The following CD163L1 variants were observed in gnomAD, a reference collection of about 807,000 sequenced individuals.
The protein encoded by CD163L1 is scavenger receptor cysteine-rich type 1 protein M160.
A neutral mutation model predicts 165.4 loss-of-function variants in CD163L1; 124 were observed. The observed-to-expected ratio is 0.75, with a 90% CI of 0.65 to 0.87. The LOEUF (loss-of-function observed/expected upper bound fraction) is 0.87, where lower values mean the gene tolerates loss of function less well. CD163L1 is among the 40% of genes least tolerant of loss of function. The pLI is 0.00. For synonymous variants in CD163L1, 585 were observed against 662.2 expected (o/e 0.88, Z 1.79); for missense variants, 1,525 against 1,799.9 (o/e 0.85, Z 2.76).
intron 4 of CD163L1, among the ~76,000 whole-genome samples, chr12:7,429,418 T>C (rs778363073): frequency 6.6e-6 from 1 of 152,240 alleles, no homozygotes; most frequent in East Asian, 1.9e-4. Flanking sequence ...ACTACTGATA[T>C]GCTGATACTA....
At chr12:7,326,161 C>A in the CD163L1 span, among the ~76,000 whole-genome samples, 1 of 152,160 alleles carries the variant, frequency 6.6e-6, no homozygotes, top group Non-Finnish European at 1.5e-5. Flanking sequence ...GCAAAAAAGA[C>A]CTCACATAGA....
chr12:7,420,986 T>TAA (rs1384581555), intron 4 of CD163L1, among the ~76,000 whole-genome samples: 1 of 138,410 alleles, frequency 7.2e-6, no homozygotes. Flanking sequence ...GAAATTGTGG[T>TAA]ATATATATAC....
Position 7,441,248 on chromosome 12 carries a change from T to C in CD163L1, c.32-2A>G. On this transcript the variant is annotated splice_acceptor_variant, in intron 1 of 19. Transcript: ENST00000313599. LOFTEE classifies it high-confidence loss of function. ...GATGACAGCAGCATCTTCCAAAATCTGGAGAAACAAAATATAGCAGGGTAG... is the reference window on the plus strand; with the variant it reads ...GATGACAGCAGCATCTTCCAAAATCCGGAGAAACAAAATATAGCAGGGTAG... 1 of 1,611,396 alleles carries C rather than the reference T, an allele frequency of 6.2e-7. No homozygotes were observed. The highest frequency in any genetic ancestry group is 8.5e-7 in the Non-Finnish European group (1 of 1,177,712).
At chr12:7,411,394 G>C (rs1318914098) in intron 4 of CD163L1, among the ~76,000 whole-genome samples, 3 of 152,176 alleles carry the variant, frequency 2.0e-5, no homozygotes, top group African/African-American at 7.2e-5. Flanking sequence ...GTTGAAATGT[G>C]ATTCCCCAGT....
At chr12:7,416,526 T>C (rs1948245106) in intron 4 of CD163L1, among the ~76,000 whole-genome samples, 1 of 152,222 alleles carries the variant, frequency 6.6e-6, no homozygotes. Context: ...TGCCTAGGTT[T>C]TCTTCTAGGG....
intron 9 of CD163L1, among the ~76,000 whole-genome samples, chr12:7,376,398 T>C (rs1947273224): frequency 6.6e-6 from 1 of 152,248 alleles, no homozygotes; most frequent in Non-Finnish European, 1.5e-5. Flanking sequence ...CAGCAATCCA[T>C]CTAAATGAGT....
rs145993093 is a variant in CD163L1 at position 7,400,359 on chromosome 12, C to T, written c.1409-1775G>A. On this transcript the variant is annotated intron_variant, in intron 6 of 19. Coordinates refer to ENST00000313599, the MANE Select transcript of CD163L1 (RefSeq NM_174941.6). This position sits in a 1 kb window ranked among gnomAD's most constrained non-coding sequence, Gnocchi z 4.1. ...ATAATATGTATCATTTCCAGATATA[C>T]TAAATAAAAATTCATAGAAACAAAG... Among the ~76,000 whole-genome samples the T allele has an allele frequency of 6.6e-6, 1 of 151,984 alleles. No homozygotes were observed. The highest frequency in any genetic ancestry group is 1.5e-5 in the Non-Finnish European group (1 of 67,998).
intron 18 of CD163L1, among the ~76,000 whole-genome samples, chr12:7,363,504 A>G (rs1225006755): frequency 6.6e-6 from 1 of 152,058 alleles, no homozygotes; most frequent in Non-Finnish European, 1.5e-5. Flanking sequence ...GATTTTTTGG[A>G]AAGATAAACC....
At chr12:7,392,337 C>T (rs1000673304) in intron 8 of CD163L1, among the ~76,000 whole-genome samples, 8 of 151,904 alleles carry the variant, frequency 5.3e-5, no homozygotes, top group African/African-American at 1.5e-4. Context: ...GGATAAATAA[C>T]GAAATGAAGG....
intron 8 of CD163L1, among the ~76,000 whole-genome samples, chr12:7,379,731 G>A (rs1261053428): frequency 6.6e-6 from 1 of 152,158 alleles, no homozygotes; most frequent in African/African-American, 2.4e-5. Context: ...ACTGCATAGG[G>A]CTGTGATATT....
chr12:7,346,922 C>T (rs1462426206), exon 5 of CD163L1: 1 of 152,160 alleles, frequency 6.6e-6, no homozygotes, highest in Non-Finnish European at 1.5e-5. Context: ...CCCCGCAAAC[C>T]TAGTCATTTA....
Position 7,369,689 on chromosome 12 carries a change from GT to G in CD163L1, c.3731-25del, listed in dbSNP as rs750436533. The G allele has an allele frequency of 6.3e-7, 1 of 1,594,822 alleles. No homozygotes were observed. The highest frequency in any genetic ancestry group is 1.3e-5 in the African/African-American group (1 of 74,542). On this transcript the variant is annotated intron_variant, in intron 14 of 19. Transcript: ENST00000313599. The surrounding 1 kb of genome is among the most constrained non-coding windows in gnomAD (Gnocchi z 4.9). The stretch of plus-strand genomic sequence containing the variant: ...ATCTACAAAGGCACAAAACATGGCT[GT>G]CTTTACTCCTGAAGGAGGTTGTGGG...
chr12:7,412,721 C>T (rs1948159690), intron 4 of CD163L1, among the ~76,000 whole-genome samples: 1 of 152,020 alleles, frequency 6.6e-6, no homozygotes, highest in Non-Finnish European at 1.5e-5. Context: ...GCAGAAAGAC[C>T]TCATATCTCC....
rs1947079676 is a variant in CD163L1 at position 7,368,878 on chromosome 12, A to C, written c.4072+55T>G. On this transcript the variant is annotated intron_variant, in intron 16 of 19. Transcript: ENST00000313599. The surrounding 1 kb of genome is among the most constrained non-coding windows in gnomAD (Gnocchi z 4.3). ...TCATAGCAGTTTCTGCCCTCCCTTG[A>C]CCTTCCATGTAGCCTTAGGTATTTG... The C allele has an allele frequency of 6.3e-7, 1 of 1,591,564 alleles. No homozygotes were observed. Among genetic ancestry groups the C allele is most frequent in the African/African-American group, 1.3e-5 (1 of 74,348 alleles).
At chr12:7,397,887 T>TA (rs1484626224) in intron 7 of CD163L1, among the ~76,000 whole-genome samples, 3 of 152,172 alleles carry the variant, frequency 2.0e-5, no homozygotes, top group Non-Finnish European at 2.9e-5. Context: ...AATTTACTGA[T>TA]ATGAGCCCTA....
chr12:7,439,187 T>G, intron 2 of CD163L1: 1 of 1,577,670 alleles, frequency 6.3e-7, no homozygotes, highest in South Asian at 1.2e-5. Flanking sequence ...GGGGGAATCA[T>G]TAAGTACACT....
At chr12:7,427,268 T>C (rs188000749) in intron 4 of CD163L1, among the ~76,000 whole-genome samples, 1 of 152,222 alleles carries the variant, frequency 6.6e-6, no homozygotes, top group African/African-American at 2.4e-5. Flanking sequence ...GGGCATCAAA[T>C]ATATATTCAC....
intron 6 of CD163L1, among the ~76,000 whole-genome samples, chr12:7,401,464 T>C (rs1004721856): frequency 1.1e-4 from 16 of 152,126 alleles, no homozygotes; most frequent in African/African-American, 3.1e-4. Flanking sequence ...AAGATGCATA[T>C]GGTTTTACAT....
intron 7 of CD163L1, 107 bp from the exon 8 acceptor site, chr12:7,396,522 G>C: frequency 9.4e-7 from 1 of 1,058,414 alleles, no homozygotes; most frequent in Non-Finnish European, 1.3e-6. Context: ...CACCAGTCTA[G>C]ATGGTGCTGT....
Sources: allele counts gnomAD v4.1 joint callset (sites outside exome capture counted in the v4.1 genomes callset), GRCh38; gene constraint gnomAD v4.1.1; non-coding constraint Gnocchi (gnomAD v3.1); transcripts MANE v1.5; gene names NCBI Gene and HGNC (gene_info 2026-07-23, HGNC 2026-07-21).